The following FSHR variants were observed in gnomAD, a reference collection of about 807,000 sequenced individuals.
FSHR encodes the protein follicle stimulating hormone receptor.
Under a neutral mutation model 52.1 loss-of-function variants are expected in FSHR, and 46 were observed. That is an observed-to-expected ratio of 0.88 (90% CI 0.70 to 1.13). The LOEUF (loss-of-function observed/expected upper bound fraction) is 1.13, where lower values mean the gene tolerates loss of function less well. Ranked by LOEUF, FSHR falls within the 50% of genes most tolerant of loss-of-function variation. The probability of loss-of-function intolerance (pLI) is 0.00; values close to 1 mark genes in which losing one functional copy is unlikely to be tolerated. For synonymous variants in FSHR, 399 were observed against 309.6 expected, an observed-to-expected ratio of 1.29 and a Z score of -3.03; for missense variants, 964 against 834.6, an observed-to-expected ratio of 1.16 and a Z score of -1.91.
chr2:49,051,407 T>C (rs1039100568), intron 2 of FSHR, among the ~76,000 whole-genome samples: 2 of 152,156 alleles, frequency 1.3e-5, no homozygotes, highest in East Asian at 3.8e-4. Flanking sequence ...TATTTCATTA[T>C]GGTTTTAAAT....
At chr2:49,105,175 A>T (rs528782664) in intron 1 of FSHR, among the ~76,000 whole-genome samples, 13 of 152,160 alleles carry the variant, frequency 8.5e-5, no homozygotes, top group Non-Finnish European at 1.8e-4. Context: ...TCACCAGTGT[A>T]ATCTAGGTTA....
intron 3 of FSHR, among the ~76,000 whole-genome samples, chr2:49,018,840 C>T (rs939875925): frequency 3.3e-5 from 5 of 152,164 alleles, no homozygotes; most frequent in Non-Finnish European, 5.9e-5. Context: ...CATGCACACA[C>T]ACACACACCT....
At chr2:49,074,068 C>T (rs1190077632) in intron 1 of FSHR, among the ~76,000 whole-genome samples, 1 of 151,890 alleles carries the variant, frequency 6.6e-6, no homozygotes, top group Non-Finnish European at 1.5e-5. Context: ...AAATATAAGA[C>T]CTGAAATGAT....
chr2:48,979,912 A>T (rs1234310515), intron 8 of FSHR, among the ~76,000 whole-genome samples: 3 of 152,152 alleles, frequency 2.0e-5, no homozygotes, highest in African/African-American at 7.2e-5. Context: ...TAGCCTACGC[A>T]TACTCCTACT....
At chr2:48,978,854 AT>A (rs1011206139) in intron 8 of FSHR, among the ~76,000 whole-genome samples, 2 of 152,104 alleles carry the variant, frequency 1.3e-5, no homozygotes, top group African/African-American at 4.8e-5. Context: ...TCAACTACAA[AT>A]TTTGCCTTCA....
At chr2:49,007,030 A>T (rs902322471) in intron 4 of FSHR, among the ~76,000 whole-genome samples, 9 of 152,088 alleles carry the variant, frequency 5.9e-5, no homozygotes, top group African/African-American at 2.2e-4. Flanking sequence ...TCAGTAATTG[A>T]TTGTTGAATG....
intron 2 of FSHR, among the ~76,000 whole-genome samples, chr2:49,054,253 A>G (rs1248744950): frequency 3.9e-5 from 6 of 152,176 alleles, no homozygotes; most frequent in African/African-American, 1.4e-4. Context: ...GTATGCCCCC[A>G]GGCCAACCTA....
chr2:49,025,554 T>A (rs1667887382), intron 2 of FSHR, among the ~76,000 whole-genome samples: 1 of 152,178 alleles, frequency 6.6e-6, no homozygotes, highest in Admixed American at 6.6e-5. Context: ...ATGTGTAATA[T>A]ATATATGTCA....
chr2:49,127,820 CTTCTTCTTCCT>C (rs1672086998), intron 1 of FSHR, among the ~76,000 whole-genome samples: 6 of 51,458 alleles, frequency 1.2e-4, no homozygotes, highest in African/African-American at 4.1e-4. Flanking sequence ...TCTTCTTCTT[CTTCTTCTTCCT>C]CTTCTTCTTC....
chr2:49,073,946 G>A (rs368044109), intron 1 of FSHR, among the ~76,000 whole-genome samples: 1 of 152,056 alleles, frequency 6.6e-6, no homozygotes, highest in Non-Finnish European at 1.5e-5. Flanking sequence ...GGAAAGGACA[G>A]TCTCTTCAAT....
chr2:49,019,939 G>A, intron 3 of FSHR, 147 bp downstream of exon 3: 3 of 793,600 alleles, frequency 3.8e-6, no homozygotes, highest in Non-Finnish European at 6.9e-6. Flanking sequence ...ACACATTACA[G>A]TGCCTTTTAG....
intron 6 of FSHR, among the ~76,000 whole-genome samples, chr2:48,988,447 T>G (rs571334383): frequency 6.6e-6 from 1 of 152,312 alleles, no homozygotes; most frequent in Non-Finnish European, 1.5e-5. Context: ...GTAGAAGGTC[T>G]TTCACTAACA....
chr2:48,989,592 T>C (rs1363955316), intron 5 of FSHR, among the ~76,000 whole-genome samples: 1 of 152,182 alleles, frequency 6.6e-6, no homozygotes, highest in African/African-American at 2.4e-5. Context: ...ACTTTTTTCT[T>C]CTGAAGGTTT....
intron 1 of FSHR, among the ~76,000 whole-genome samples, chr2:49,087,582 G>C (rs967308804): frequency 6.6e-6 from 1 of 152,132 alleles, no homozygotes. Context: ...ATAAAAGCAT[G>C]TATAGTCATG....
At chr2:49,062,774 A>C (rs551219245) in intron 2 of FSHR, among the ~76,000 whole-genome samples, 3 of 152,274 alleles carry the variant, frequency 2.0e-5, no homozygotes, top group East Asian at 3.8e-4. Context: ...TCAAAAGAAG[A>C]CATACAAATG....
chr2:49,059,555 G>A (rs372700923), intron 2 of FSHR: 1 of 152,568 alleles, frequency 6.6e-6, no homozygotes, highest in Non-Finnish European at 1.5e-5. Context: ...ATGATGCTGG[G>A]AAAACTGGAT....
intron 8 of FSHR, 104 bp downstream of exon 8, chr2:48,982,808 G>T: frequency 9.9e-7 from 1 of 1,009,020 alleles, no homozygotes; most frequent in Non-Finnish European, 1.6e-6. Context: ...AATTGAACTT[G>T]ATGGCCAGCC....
chr2:49,102,555 T>G (rs1454272898), intron 1 of FSHR, among the ~76,000 whole-genome samples: 1 of 152,136 alleles, frequency 6.6e-6, no homozygotes, highest in Non-Finnish European at 1.5e-5. Context: ...AAATGCTCAC[T>G]AGGGTGGACC....
At chr2:49,070,800 A>G (rs1398635426) in intron 1 of FSHR, among the ~76,000 whole-genome samples, 1 of 152,200 alleles carries the variant, frequency 6.6e-6, no homozygotes, top group Non-Finnish European at 1.5e-5. Context: ...AAACAAGATA[A>G]TCTGAAGACA....
Sources: gnomAD v4.1 joint callset for allele counts (sites outside exome capture counted in the v4.1 genomes callset) on GRCh38, gnomAD v4.1.1 for gene constraint, MANE v1.5 for transcripts, NCBI Gene and HGNC (gene_info 2026-07-23, HGNC 2026-07-21) for gene names.